The following TTC1 variants were observed in gnomAD, a reference collection of about 807,000 sequenced individuals.
TTC1 encodes tetratricopeptide repeat domain 1, also known as tetratricopeptide repeat protein 1.
A neutral mutation model predicts 37.6 loss-of-function variants in TTC1; 31 were observed. The ratio of observed to expected loss-of-function variants is 0.82; its 90% confidence interval spans 0.62 to 1.11. The LOEUF is 1.11. Among genes scored for constraint, TTC1 ranks in the 50% most tolerant of loss-of-function variants. TTC1 has a pLI of 0.00. For synonymous variants in TTC1, 127 were observed against 122.4 expected (o/e 1.04, Z -0.25); for missense variants, 351 against 339.0 (o/e 1.04, Z -0.28).
intron 2 of TTC1, among the ~76,000 whole-genome samples, chr5:160,034,441 T>C (rs1756969174): frequency 6.6e-6 from 1 of 152,202 alleles, no homozygotes; most frequent in Non-Finnish European, 1.5e-5. Flanking sequence ...CACATTTTCC[T>C]ATGTTAACCT....
chr5:160,047,092 T>C (rs960379682), intron 5 of TTC1, among the ~76,000 whole-genome samples: 1 of 152,210 alleles, frequency 6.6e-6, no homozygotes, highest in Non-Finnish European at 1.5e-5. Context: ...CCAAAATTCA[T>C]GAATTTTAAA....
At chr5:160,034,751 CATAACTAGT>C (rs1288245875) in intron 2 of TTC1, among the ~76,000 whole-genome samples, 1 of 152,118 alleles carries the variant, frequency 6.6e-6, no homozygotes, top group Non-Finnish European at 1.5e-5. Context: ...TCCGAGGCCA[CATAACTAGT>C]AAGTACTAGA....
intron 4 of TTC1, among the ~76,000 whole-genome samples, chr5:160,038,703 C>T (rs577030519): frequency 2.8e-3 from 399 of 144,158 alleles, no homozygotes; most frequent in Non-Finnish European, 4.7e-3. Context: ...CACTCTGTCA[C>T]CTAGGCTGGA....
chr5:160,018,720 A>G (rs1357801494), intron 2 of TTC1, among the ~76,000 whole-genome samples: 1 of 152,224 alleles, frequency 6.6e-6, no homozygotes, highest in East Asian at 1.9e-4. Flanking sequence ...TTACATTTTA[A>G]TAAGAGAATT....
intron 2 of TTC1, among the ~76,000 whole-genome samples, chr5:160,018,593 G>A (rs554633883): frequency 6.6e-6 from 1 of 152,326 alleles, no homozygotes; most frequent in Non-Finnish European, 1.5e-5. Context: ...TGGGCTGATA[G>A]TAGGCAAGGG....
At chr5:160,037,472 A>G (rs1418223019) in intron 4 of TTC1, among the ~76,000 whole-genome samples, 2 of 152,162 alleles carry the variant, frequency 1.3e-5, no homozygotes, top group Non-Finnish European at 1.5e-5. Context: ...ACCCAGCACT[A>G]TGGGTGGCCG....
intron 1 of TTC1, among the ~76,000 whole-genome samples, chr5:160,009,816 A>C (rs6866671): frequency 0.16 from 24,178 of 152,050 alleles, 2,162 homozygotes; most frequent in East Asian, 0.27. Flanking sequence ...GTGTAAGCTG[A>C]GTGGGCTCTA....
intron 5 of TTC1, among the ~76,000 whole-genome samples, chr5:160,045,520 ACTCTC>A (rs1757211615): frequency 2.4e-4 from 13 of 54,884 alleles, no homozygotes; most frequent in African/African-American, 1.1e-3. Context: ...ACACATACAC[ACTCTC>A]TCTCTCTCTC....
At chr5:160,023,365 C>T (rs1253240487) in intron 2 of TTC1, among the ~76,000 whole-genome samples, 2 of 149,194 alleles carry the variant, frequency 1.3e-5, no homozygotes, top group Non-Finnish European at 3.0e-5. Flanking sequence ...AATCATGGCT[C>T]ATTGTAACCT....
At chr5:160,024,275 A>G (rs1289404717) in intron 2 of TTC1, among the ~76,000 whole-genome samples, 1 of 152,214 alleles carries the variant, frequency 6.6e-6, no homozygotes, top group Non-Finnish European at 1.5e-5. Context: ...TATTTTTGAA[A>G]TAACATTTTT....
intron 5 of TTC1, among the ~76,000 whole-genome samples, chr5:160,048,016 C>T (rs983948582): frequency 6.6e-6 from 1 of 150,590 alleles, no homozygotes; most frequent in Non-Finnish European, 1.5e-5. Flanking sequence ...CAGAGACATA[C>T]TACATTGGAC....
rs139856144 is a variant in TTC1, at chr5:160,010,674, A to T, written c.146A>T (p.Asp49Val). 7 of 1,613,810 alleles carry T rather than the reference A, an allele frequency of 4.3e-6. No homozygotes were observed. The highest frequency in any genetic ancestry group is 2.7e-5 in the African/African-American group (2 of 75,034). ...QHSQSKLLRDDEAHLQEDQGE... is the reference protein window; with the variant it reads ...QHSQSKLLRDVEAHLQEDQGE... ...TCCCAGAGTAAGCTGCTCAGGGATG[A>T]TGAGGCCCATCTCCAGGAGGACCAG... Residue 49 changes from aspartate (D) to valine (V), a missense_variant, in exon 2 of 8, where the codon GAT becomes GTT. Transcript: ENST00000231238.
At chr5:160,014,185 C>T (rs1439056050) in intron 2 of TTC1, among the ~76,000 whole-genome samples, 2 of 151,500 alleles carry the variant, frequency 1.3e-5, no homozygotes, top group Non-Finnish European at 2.9e-5. Context: ...TAGTGAAACC[C>T]CATCTCTACC....
chr5:160,052,089 G>T (rs929639571), intron 7 of TTC1, among the ~76,000 whole-genome samples: 3 of 152,216 alleles, frequency 2.0e-5, no homozygotes, highest in Admixed American at 1.3e-4. Flanking sequence ...CAGAGACTTT[G>T]GCCCCTGCCG....
rs1756487794 is a variant in TTC1, at chr5:160,010,754, G to GC, written c.227dup (p.Asp77GlyfsTer4). 6.2e-7 allele frequency: 1 copy of GC among 1,614,160 alleles called. No homozygotes were observed. The highest frequency in any genetic ancestry group is 8.5e-7 in the Non-Finnish European group (1 of 1,180,018). ...TGCCTCATTTGAGGAGGAGCCAGGA[G>GC]CGGACAAGGTTGAGAACAAATCTAA... On this transcript the variant is annotated frameshift_variant, in exon 2 of 8. Transcript: ENST00000231238. LOFTEE classifies it high-confidence loss of function.
chr5:160,056,746 C>A (rs1275133888), intron 7 of TTC1, among the ~76,000 whole-genome samples: 1 of 151,976 alleles, frequency 6.6e-6, no homozygotes, highest in African/African-American at 2.4e-5. Flanking sequence ...ATATATATAT[C>A]ATCTTGTATG....
At chr5:160,048,929 T>C (rs9790968) in intron 5 of TTC1, among the ~76,000 whole-genome samples, 103,127 of 151,834 alleles carry the variant, frequency 0.68, 35,112 homozygotes, top group East Asian at 0.74. Context: ...CCAGCCTGGG[T>C]GACAGAGCGA....
chr5:160,030,997 CTA>C (rs1211154155), intron 2 of TTC1, among the ~76,000 whole-genome samples: 1 of 152,178 alleles, frequency 6.6e-6, no homozygotes, highest in Admixed American at 6.5e-5. Context: ...GACCTATACA[CTA>C]TCTATCATAT....
At chr5:160,045,506 ACACACACATACACACTCT>A (rs1757202534) in intron 5 of TTC1, among the ~76,000 whole-genome samples, 1 of 87,856 alleles carries the variant, frequency 1.1e-5, no homozygotes, top group Non-Finnish European at 2.3e-5. Flanking sequence ...ACACACACAC[ACACACACATACACACTCT>A]CTCTCTCTCT....
Sources: gnomAD v4.1 joint callset for allele counts (sites outside exome capture counted in the v4.1 genomes callset) on GRCh38, gnomAD v4.1.1 for gene constraint, MANE v1.5 for transcripts, NCBI Gene and HGNC (gene_info 2026-07-23, HGNC 2026-07-21) for gene names.